SGCD: variants seen among roughly 807,000 people sequenced by gnomAD.
SGCD encodes the protein delta-sarcoglycan.
A neutral mutation model predicts 36.6 loss-of-function variants in SGCD; 18 were observed. The ratio of observed to expected loss-of-function variants is 0.49; its 90% CI spans 0.34 to 0.73. SGCD has a LOEUF of 0.73. SGCD is among the 30% of genes least tolerant of loss of function. The pLI is 0.01. For missense variants in SGCD, 387 were observed against 346.7 expected (o/e 1.12, Z -0.92); for synonymous variants, 133 against 130.6 (o/e 1.02, Z -0.12).
Position 156,594,891 on chromosome 5 carries a change from C to T in SGCD, c.383-41C>T, listed in dbSNP as rs1561802271. The T allele has an allele frequency of 5.4e-6, 7 of 1,296,720 alleles. No individual in the cohort carries two copies. The East Asian group carries it at 1.4e-4, about 26-fold the overall frequency. 80.3% of individuals were successfully genotyped at this position (1,296,720 alleles called of 1,614,324 possible). A position where few individuals can be genotyped will look rare whatever the true frequency, so the allele number is the denominator to read the frequency against. On this transcript the variant is annotated intron_variant, in intron 5 of 8. Transcript: ENST00000337851. ...AATGGTGTTTTCTCTCTCTCTCTCT[C>T]CTCTCTCCTCTCTATCTCTCTATCT... is the stretch of plus-strand genomic sequence containing the variant.
chr5:156,286,917 A>G (rs1036580031), intron 3 of SGCD, among the ~76,000 whole-genome samples: 2 of 152,162 alleles, frequency 1.3e-5, no homozygotes, highest in African/African-American at 4.8e-5. Flanking sequence ...TTGGCATAGG[A>G]TGATCTCTTT....
chr5:156,677,618 C>T (rs1257505906), intron 7 of SGCD, among the ~76,000 whole-genome samples: 1 of 152,010 alleles, frequency 6.6e-6, no homozygotes. Context: ...AGCACACCAA[C>T]ATGGCACATG....
At chr5:156,033,709 G>A (rs561690269) in intron 1 of SGCD, among the ~76,000 whole-genome samples, 10 of 152,182 alleles carry the variant, frequency 6.6e-5, no homozygotes, top group South Asian at 4.1e-4. Flanking sequence ...TATTGTTTGC[G>A]CCCTCAACCA....
At chr5:155,970,216 C>T (rs778268867) in intron 1 of SGCD, among the ~76,000 whole-genome samples, 6 of 152,064 alleles carry the variant, frequency 3.9e-5, no homozygotes, top group Admixed American at 6.6e-5. Context: ...AGCCCCCATC[C>T]CATTTCACCC....
chr5:156,713,423 A>G (rs544637357), intron 7 of SGCD, among the ~76,000 whole-genome samples: 52 of 150,208 alleles, frequency 3.5e-4, no homozygotes, highest in African/African-American at 1.2e-3. Flanking sequence ...GGGGGGCGTT[A>G]TAGGAGGGAG....
At chr5:156,410,199 T>C (rs1318747918) in intron 3 of SGCD, among the ~76,000 whole-genome samples, 1 of 152,188 alleles carries the variant, frequency 6.6e-6, no homozygotes, top group East Asian at 1.9e-4. Context: ...CATGGAATAC[T>C]ACACAGCTGT....
chr5:156,160,283 G>A (rs1024453098), intron 3 of SGCD, among the ~76,000 whole-genome samples: 1 of 151,472 alleles, frequency 6.6e-6, no homozygotes, highest in South Asian at 2.1e-4. Context: ...TCAGCACAAA[G>A]ATCTCTTCCA....
intron 1 of SGCD, among the ~76,000 whole-genome samples, chr5:156,077,208 G>T (rs1229716173): frequency 2.0e-5 from 3 of 152,100 alleles, no homozygotes; most frequent in Non-Finnish European, 4.4e-5. Context: ...TGGCATCTAA[G>T]ATTAAGGTGC....
chr5:156,589,943 CAAT>C (rs1279278291), intron 5 of SGCD, among the ~76,000 whole-genome samples: 1 of 152,092 alleles, frequency 6.6e-6, no homozygotes, highest in Admixed American at 6.6e-5. Flanking sequence ...TGGTTATTCA[CAAT>C]AATGATTATA....
At chr5:156,008,032 T>C (rs1758788123) in intron 1 of SGCD, among the ~76,000 whole-genome samples, 1 of 152,200 alleles carries the variant, frequency 6.6e-6, no homozygotes. Context: ...TTTTTCTCCA[T>C]AGTGATGATA....
intron 3 of SGCD, among the ~76,000 whole-genome samples, chr5:156,219,946 A>T (rs926268998): frequency 2.0e-5 from 3 of 152,166 alleles, no homozygotes; most frequent in Admixed American, 1.3e-4. Context: ...TCAGAATGTG[A>T]TCTTTGCATT....
intron 3 of SGCD, among the ~76,000 whole-genome samples, chr5:156,377,854 T>G (rs1770754442): frequency 6.6e-6 from 1 of 152,218 alleles, no homozygotes; most frequent in Non-Finnish European, 1.5e-5. Context: ...ATATGAAATC[T>G]CTGGTATGAG....
chr5:156,671,257 G>A (rs972927689), intron 7 of SGCD, among the ~76,000 whole-genome samples: 3 of 144,470 alleles, frequency 2.1e-5, no homozygotes, highest in East Asian at 2.1e-4. Flanking sequence ...GGTGATTCAT[G>A]GATATCTATT....
intron 1 of SGCD, among the ~76,000 whole-genome samples, chr5:155,906,727 G>A (rs1460405319): frequency 6.6e-6 from 1 of 152,058 alleles, no homozygotes; most frequent in Non-Finnish European, 1.5e-5. Context: ...GCAGATGTTG[G>A]TTCATGAGGT....
chr5:156,624,549 C>G (rs1762373690), intron 6 of SGCD, among the ~76,000 whole-genome samples: 1 of 152,040 alleles, frequency 6.6e-6, no homozygotes, highest in Admixed American at 6.5e-5. Context: ...CCACTGCACT[C>G]CAGCCTGGGT....
chr5:155,755,860 A>C, the SGCD span, among the ~76,000 whole-genome samples: 1 of 152,236 alleles, frequency 6.6e-6, no homozygotes, highest in East Asian at 1.9e-4. Flanking sequence ...GGTAGTGGGC[A>C]TGCAATTGAT....
intron 1 of SGCD, among the ~76,000 whole-genome samples, chr5:155,988,063 G>A (rs1758364207): frequency 6.6e-6 from 1 of 152,176 alleles, no homozygotes; most frequent in Non-Finnish European, 1.5e-5. Context: ...TAAGTGACTT[G>A]CATAAGTTCC....
chr5:156,537,001 A>G (rs1435471980), intron 4 of SGCD, among the ~76,000 whole-genome samples: 6 of 152,008 alleles, frequency 3.9e-5, no homozygotes, highest in African/African-American at 1.4e-4. Context: ...TGCCGCTGGG[A>G]CTGATAAATA....
chr5:155,951,419 T>C (rs1757545920), intron 1 of SGCD, among the ~76,000 whole-genome samples: 1 of 152,114 alleles, frequency 6.6e-6, no homozygotes, highest in South Asian at 2.1e-4. Context: ...GCCCAAAGAA[T>C]TCAGACAGTA....
Sources: allele counts gnomAD v4.1 joint callset (sites outside exome capture counted in the v4.1 genomes callset), GRCh38; gene constraint gnomAD v4.1.1; transcripts MANE v1.5; gene names NCBI Gene and HGNC (gene_info 2026-07-23, HGNC 2026-07-21).